SLC6A12: variants seen among roughly 807,000 people sequenced by gnomAD.
SLC6A12 encodes the protein solute carrier family 6 member 12, also known as sodium- and chloride-dependent betaine transporter.
In SLC6A12, 50 loss-of-function variants were observed where a neutral mutation model predicts 73.3. That is an observed-to-expected ratio of 0.68 (90% confidence interval 0.54 to 0.86). SLC6A12 has a LOEUF of 0.86. Among genes scored for constraint, SLC6A12 ranks in the 40% least tolerant of loss-of-function variants. The pLI, the probability that SLC6A12 is intolerant of heterozygous loss-of-function variation, is 0.00. For synonymous variants in SLC6A12, 304 were observed against 309.2 expected (o/e 0.98, Z 0.18); for missense variants, 648 against 772.8 (o/e 0.84, Z 1.92).
intron 6 of SLC6A12, 66 bp from the exon 7 acceptor site, chr12:200,849 A>G (rs756237029): frequency 1.1e-4 from 161 of 1,527,688 alleles, no homozygotes; most frequent in Non-Finnish European, 1.4e-4. Flanking sequence ...GTCTGTCAGC[A>G]AGTCTCCTGA....
intron 13 of SLC6A12, 32 bp downstream of exon 13, chr12:195,193 C>T (rs1939804431): frequency 7.2e-7 from 1 of 1,385,862 alleles, no homozygotes; most frequent in Non-Finnish European, 1.0e-6. Flanking sequence ...TTTCTCCCAC[C>T]CTGCTTTCCC....
downstream of SLC6A12, among the ~76,000 whole-genome samples, chr12:187,076 A>T (rs1239255153): frequency 6.6e-6 from 1 of 152,208 alleles, no homozygotes; most frequent in Admixed American, 6.5e-5. Context: ...CAGAAGTGGG[A>T]AGACTGTGGC....
Position 198,085 on chromosome 12 carries a change from G to T in SLC6A12, c.847-82C>A. 1.8e-6 allele frequency: 2 copies of T among 1,092,480 alleles called. No homozygotes were observed. The highest frequency in any genetic ancestry group is 1.4e-6 in the Non-Finnish European group (1 of 719,216). 67.7% of individuals were successfully genotyped at this position (1,092,480 alleles called of 1,614,324 possible). ...GACCCGAGATCCAGACCCGTCCCCT[G>T]CAGCACCAGCCTGGCCCCTCAGTGC... On this transcript the variant is annotated intron_variant, in intron 8 of 15. Transcript: ENST00000684302. This position sits in a 1 kb window ranked among gnomAD's most constrained non-coding sequence, Gnocchi z 4.0.
intron 2 of SLC6A12, 76 bp from the exon 3 acceptor site, chr12:210,119 C>T: frequency 6.9e-7 from 1 of 1,445,192 alleles, no homozygotes; most frequent in Non-Finnish European, 9.2e-7. Context: ...CCGATCTCCG[C>T]TGTCAGCATA....
Position 198,684 on chromosome 12 carries a change from A to G in SLC6A12, c.846+113T>C. On this transcript the variant is annotated intron_variant, in intron 8 of 15. Transcript: ENST00000684302. The surrounding 1 kb of genome is among the most constrained non-coding windows in gnomAD (Gnocchi z 4.0). ...CTTCCATATTTTCTAATTTATCTCC[A>G]GTGGGCATTTATTGCTTTTAAACCA... is the stretch of plus-strand genomic sequence containing the variant. The G allele has an allele frequency of 1.3e-6, 1 of 793,658 alleles. No homozygotes were observed. Among genetic ancestry groups the G allele is most frequent in the Non-Finnish European group, 2.0e-6 (1 of 507,504 alleles). 49.2% of individuals were successfully genotyped at this position (793,658 alleles called of 1,614,324 possible). A position where few individuals can be genotyped will look rare whatever the true frequency, so the allele number is the denominator to read the frequency against.
rs1940995094 is a variant in SLC6A12, at chr12:213,609, T to TC, written c.-143+312dup. The TC allele has an allele frequency of 6.5e-6, 1 of 152,828 alleles. No individual in the cohort carries two copies. The highest frequency in any genetic ancestry group is 1.5e-5 in the Non-Finnish European group (1 of 68,548). The allele number at this position is 152,828 out of a possible 1,614,324, so 9.5% of individuals were successfully genotyped here. ...CTTGCTGGGCACCACCTGCTTCCCC[T>TC]CCCCTCGTCAGATGACCACCCCTGC... On this transcript the variant is annotated intron_variant, in intron 1 of 15. Coordinates refer to ENST00000684302, the MANE Select transcript of SLC6A12 (RefSeq NM_001122848.3). This position sits in a 1 kb window ranked among gnomAD's most constrained non-coding sequence, Gnocchi z 5.3.
intron 15 of SLC6A12, among the ~76,000 whole-genome samples, chr12:191,589 A>G (rs1591776239): frequency 1.1e-5 from 1 of 91,104 alleles, no homozygotes; most frequent in Non-Finnish European, 2.3e-5. Context: ...TATTGTCATT[A>G]TTGTTATTAC....
Position 192,468 on chromosome 12 carries a change from C to T in SLC6A12, c.1701+10G>A, listed in dbSNP as rs186392113. On this transcript the variant is annotated intron_variant, in intron 15 of 15. Transcript: ENST00000684302. ...TCCTTTAAGAGGTCACTCTCCCCTA[C>T]ACCACCTACCTTCCTGAAAGGACCC... is the stretch of plus-strand genomic sequence containing the variant. 4.8e-3 allele frequency: 7,706 copies of T among 1,613,538 alleles called. 77 individuals carry two copies. Among genetic ancestry groups the T allele is most frequent in the South Asian group, 0.024 (2,212 of 91,016 alleles).
intron 3 of SLC6A12, among the ~76,000 whole-genome samples, chr12:205,519 G>A (rs779283006): frequency 2.0e-5 from 3 of 152,196 alleles, no homozygotes; most frequent in African/African-American, 4.8e-5. Context: ...TAATAAAACT[G>A]AGGTCGCTTT....
downstream of SLC6A12, among the ~76,000 whole-genome samples, chr12:186,895 A>G (rs1232766114): frequency 6.6e-6 from 1 of 152,140 alleles, no homozygotes; most frequent in Admixed American, 6.5e-5. Flanking sequence ...TAACCCTGCT[A>G]CCACCACCCC....
chr12:197,760 G>T (rs1166508783), intron 9 of SLC6A12, 140 bp downstream of exon 9: 17 of 675,380 alleles, frequency 2.5e-5, no homozygotes, highest in Middle Eastern at 4.0e-4. Context: ...TTTAGTCTGG[G>T]AAAGGAACCC....
chr12:190,785 G>A lies in SLC6A12; in HGVS notation c.*283C>T, dbSNP rs145534950. On this transcript the variant is annotated 3_prime_UTR_variant, in exon 16 of 16. Coordinates refer to ENST00000684302, the MANE Select transcript of SLC6A12 (RefSeq NM_001122848.3). ...ACTCGAGGTGTTGCAATCAGATGGCGGCCTCCAAAAAGACCCCCCTTTATA... is the reference window on the plus strand; with the variant it reads ...ACTCGAGGTGTTGCAATCAGATGGCAGCCTCCAAAAAGACCCCCCTTTATA... 26 of 262,438 alleles carry A rather than the reference G, an allele frequency of 9.9e-5. No individual in the cohort carries two copies. Among genetic ancestry groups the A allele is most frequent in the Admixed American group, 1.6e-4 (3 of 18,372 alleles). The allele number at this position is 262,438 out of a possible 1,614,324, so 16.3% of individuals were successfully genotyped here.
At chr12:188,173 C>A (rs1481190750), downstream of SLC6A12, among the ~76,000 whole-genome samples, 1 of 152,136 alleles carries the variant, frequency 6.6e-6, no homozygotes, top group Non-Finnish European at 1.5e-5. Context: ...CAGGGGGCGG[C>A]GCTGGTCGGG....
At chr12:194,880 G>A (rs535342404) in intron 13 of SLC6A12, among the ~76,000 whole-genome samples, 1 of 152,162 alleles carries the variant, frequency 6.6e-6, no homozygotes, top group South Asian at 2.1e-4. Flanking sequence ...GCGGAGGATC[G>A]GGCTAAGTGG....
rs1459596811 is a variant in SLC6A12, at chr12:204,593, G to C, written c.320C>G (p.Ala107Gly). 1 of 1,614,198 alleles carries C rather than the reference G, an allele frequency of 6.2e-7. No individual in the cohort carries two copies. The highest frequency in any genetic ancestry group is 8.5e-7 in the Non-Finnish European group (1 of 1,180,018). The change falls in exon 4 of 16, where the codon GCC becomes GGC. Residue 107 changes from alanine (A) to glycine (G), a missense_variant. Ala to Gly is a moderately conservative substitution (Grantham distance 60, BLOSUM62 0). Transcript: ENST00000684302. ...GAAGAGGGGGCAGATCTTCCTCCAG[G>C]CTGTGACACTCCCTTGGCTGGTGTA... ...GQYTSQGSVT[A>G]WRKICPLFQG...
chr12:195,410 C>A, intron 12 of SLC6A12, 83 bp from the exon 13 acceptor site: 1 of 892,060 alleles, frequency 1.1e-6, no homozygotes, highest in African/African-American at 1.6e-5. Flanking sequence ...CAAATGCCCA[C>A]GTGGGGTGCA....
rs771073461 is a variant in SLC6A12 at position 195,274 on chromosome 12, G to A, written c.1380C>T (p.Cys460=). 9 of 1,613,684 alleles carry A rather than the reference G, an allele frequency of 5.6e-6. No individual in the cohort carries two copies. Among genetic ancestry groups the A allele is most frequent in the Admixed American group, 1.7e-5 (1 of 60,030 alleles). ...CTTCAAACAATGACAGGAACAGCAG[G>A]CATATGCCACTGGAAGCATAGTAGT... ...LFDYYASSGI[C]LLFLSLFEVV... Residue 460 remains cysteine, a synonymous_variant, in exon 13 of 16, where the codon TGC becomes TGT. Transcript: ENST00000684302.
chr12:200,499 G>T, intron 7 of SLC6A12, 152 bp downstream of exon 7: 1 of 728,886 alleles, frequency 1.4e-6, no homozygotes. Flanking sequence ...CCTTCCTGTG[G>T]CTCCCCCTGT....
intron 15 of SLC6A12, 31 bp downstream of exon 15, chr12:192,447 T>G (rs1351746591): frequency 1.9e-6 from 3 of 1,601,166 alleles, no homozygotes; most frequent in African/African-American, 1.3e-5. Context: ...GTGCCCTCCT[T>G]TAAGAGGTCA....
Sources: gnomAD v4.1 joint callset for allele counts (sites outside exome capture counted in the v4.1 genomes callset) on GRCh38, gnomAD v4.1.1 for gene constraint, Gnocchi (gnomAD v3.1) non-coding constraint, MANE v1.5 for transcripts, NCBI Gene and HGNC (gene_info 2026-07-23, HGNC 2026-07-21) for gene names.